Variants in TIAM1 observed in about 807,000 individuals in gnomAD.
The protein encoded by TIAM1 is rho guanine nucleotide exchange factor TIAM1.
Under a neutral mutation model 163.5 loss-of-function variants are expected in TIAM1, and 65 were observed. That is an observed-to-expected ratio of 0.40 (90% confidence interval 0.33 to 0.49). The LOEUF (loss-of-function observed/expected upper bound fraction) is 0.49, where lower values mean the gene tolerates loss of function less well. TIAM1 is among the 20% of genes least tolerant of loss of function. The pLI, the probability that TIAM1 is intolerant of heterozygous loss-of-function variation, is 0.77. For synonymous variants in TIAM1, 833 were observed against 810.1 expected (o/e 1.03, Z -0.48); for missense variants, 1,789 against 2,044.7 (o/e 0.87, Z 2.41).
At chr21:31,338,481 T>C (rs1418165211) in intron 2 of TIAM1, among the ~76,000 whole-genome samples, 2 of 152,118 alleles carry the variant, frequency 1.3e-5, no homozygotes, top group African/African-American at 4.8e-5. Flanking sequence ...CAACTTCACA[T>C]AGCTAGAAAG....
chr21:31,450,440 A>T (rs1398501087), intron 2 of TIAM1, among the ~76,000 whole-genome samples: 2 of 152,236 alleles, frequency 1.3e-5, no homozygotes, highest in East Asian at 3.9e-4. Context: ...TCCCACCCAG[A>T]TCCGAGATTC....
chr21:31,324,590 T>C (rs1032964659), intron 2 of TIAM1, among the ~76,000 whole-genome samples: 49 of 152,310 alleles, frequency 3.2e-4, no homozygotes, highest in African/African-American at 1.2e-3. Context: ...CTGTAAGTGA[T>C]GGAGCTAGTG....
chr21:31,288,084 C>T (rs2073882654), intron 2 of TIAM1, among the ~76,000 whole-genome samples: 1 of 152,036 alleles, frequency 6.6e-6, no homozygotes, highest in Non-Finnish European at 1.5e-5. Flanking sequence ...GACAATAACA[C>T]CTTCCACTCT....
chr21:31,213,866 C>CCAAAAAAAAAAAAAAAA (rs71318260), intron 9 of TIAM1, among the ~76,000 whole-genome samples: 5 of 54,872 alleles, frequency 9.1e-5, no homozygotes, highest in African/African-American at 3.1e-4. Context: ...CTCATCTCTA[C>CCAAAAAAAAAAAAAAAA]AAAAAAAAAA....
chr21:31,347,665 G>C (rs138999650), upstream of TIAM1, among the ~76,000 whole-genome samples: 1 of 152,144 alleles, frequency 6.6e-6, no homozygotes, highest in African/African-American at 2.4e-5. Context: ...TCTCAAGATC[G>C]GGATGAACCT....
At chr21:31,547,049 CT>C (rs1446552887) in intron 1 of TIAM1, among the ~76,000 whole-genome samples, 1 of 152,168 alleles carries the variant, frequency 6.6e-6, no homozygotes, top group Non-Finnish European at 1.5e-5. Context: ...CATAAATTCA[CT>C]TTTCCTGACT....
In TIAM1 at chr21:31,178,615, T is replaced by A. The variant is rs149700526; in HGVS notation, c.2887+3806A>T. Among the ~76,000 whole-genome samples the A allele has an allele frequency of 8.0e-3, 1,224 of 152,074 alleles. 18 individuals are homozygous for A. Among genetic ancestry groups the A allele is most frequent in the African/African-American group, 0.028 (1,166 of 41,482 alleles). ...GCCACTGAGCCCGGCCAGGAATTCT[T>A]CTGAAATTTACTAATTTTGAAGCCA... On this transcript the variant is annotated intron_variant, in intron 15 of 27. Coordinates refer to ENST00000541036, the MANE Select transcript of TIAM1 (RefSeq NM_001353694.2).
chr21:31,191,984 C>T (rs1309864242), intron 13 of TIAM1, among the ~76,000 whole-genome samples: 1 of 152,182 alleles, frequency 6.6e-6, no homozygotes, highest in Non-Finnish European at 1.5e-5. Flanking sequence ...TATGGAGCAT[C>T]TAATTTTGGA....
In TIAM1 at chr21:31,512,507, T is replaced by A. The variant is rs147177428; in HGVS notation, c.-422+46420A>T. 2.8e-4 allele frequency among the ~76,000 whole-genome samples: 43 copies of A among 152,124 alleles called. 1 individual carries two copies. In the East Asian group the frequency reaches 7.7e-3, roughly 27 times the overall value. The stretch of plus-strand genomic sequence containing the variant: ...AGCCCTCTGCAAAATCCTTCCTACT[T>A]CATTTTTTCAGAATATTTAACTCCA... On this transcript the variant is annotated intron_variant, in intron 1 of 28. Coordinates refer to the TIAM1 transcript ENST00000286827.
At chr21:31,233,259 TAAAAGAAAAA>T (rs1377314915) in intron 6 of TIAM1, among the ~76,000 whole-genome samples, 2 of 151,942 alleles carry the variant, frequency 1.3e-5, no homozygotes, top group African/African-American at 4.8e-5. Context: ...GCTTTCATTT[TAAAAGAAAAA>T]AAAAGAAAGT....
chr21:31,186,246 T>C (rs376499410), intron 14 of TIAM1, among the ~76,000 whole-genome samples: 16 of 152,286 alleles, frequency 1.1e-4, no homozygotes, highest in Admixed American at 7.8e-4. Context: ...GGATCTCAAA[T>C]CCCTAGGTTC....
At chr21:31,319,125 C>T (rs2075220527) in intron 2 of TIAM1, among the ~76,000 whole-genome samples, 1 of 152,122 alleles carries the variant, frequency 6.6e-6, no homozygotes, top group Non-Finnish European at 1.5e-5. Flanking sequence ...TGAAGTACAG[C>T]ATAAAGGTTG....
At chr21:31,293,091 T>A (rs71321376) in intron 2 of TIAM1, among the ~76,000 whole-genome samples, 1 of 152,192 alleles carries the variant, frequency 6.6e-6, no homozygotes, top group Non-Finnish European at 1.5e-5. Context: ...CCCAAAGTGT[T>A]GGGACTACAG....
chr21:31,241,931 G>A (rs1369138289), intron 6 of TIAM1, among the ~76,000 whole-genome samples: 1 of 152,046 alleles, frequency 6.6e-6, no homozygotes, highest in Admixed American at 6.6e-5. Flanking sequence ...GATTGCTTGA[G>A]TCCAGGAGTT....
chr21:31,408,152 T>C (rs1229969849), intron 2 of TIAM1, among the ~76,000 whole-genome samples: 2 of 152,246 alleles, frequency 1.3e-5, no homozygotes, highest in Admixed American at 6.5e-5. Flanking sequence ...TTCTACATTA[T>C]TCAGGGTATT....
Position 31,141,806 on chromosome 21 carries a change from G to GT in TIAM1, c.3476-303dup, listed in dbSNP as rs1354233179. On this transcript the variant is annotated intron_variant, in intron 20 of 27. Coordinates refer to ENST00000541036, the MANE Select transcript of TIAM1 (RefSeq NM_001353694.2). This position sits in a 1 kb window ranked among gnomAD's most constrained non-coding sequence, Gnocchi z 4.7. The stretch of plus-strand genomic sequence containing the variant: ...TCTTTATCCTCCTCCTATTACACAT[G>GT]TTTTTTTATCCTGATGTTTTGACAC... Among the ~76,000 whole-genome samples, 1 of 152,168 alleles carries GT rather than the reference G, an allele frequency of 6.6e-6. No individual in the cohort carries two copies. Among genetic ancestry groups the GT allele is most frequent in the Admixed American group, 6.5e-5 (1 of 15,292 alleles).
chr21:31,529,080 A>G (rs1047292578), intron 1 of TIAM1, among the ~76,000 whole-genome samples: 5 of 151,386 alleles, frequency 3.3e-5, no homozygotes, highest in East Asian at 4.0e-4. Flanking sequence ...CACCATGCCC[A>G]GCTAATTTTT....
intron 8 of TIAM1, among the ~76,000 whole-genome samples, chr21:31,218,920 C>T (rs1326144607): frequency 6.6e-6 from 1 of 151,718 alleles, no homozygotes; most frequent in East Asian, 1.9e-4. Flanking sequence ...ACTTACATGT[C>T]CTATGTTTAG....
intron 2 of TIAM1, among the ~76,000 whole-genome samples, chr21:31,450,043 G>C (rs997982187): frequency 2.0e-5 from 3 of 152,280 alleles, no homozygotes; most frequent in East Asian, 3.9e-4. Context: ...CAGAATATAA[G>C]GGATAATGGA....
Sources: allele counts gnomAD v4.1 joint callset (sites outside exome capture counted in the v4.1 genomes callset), GRCh38; gene constraint gnomAD v4.1.1; non-coding constraint Gnocchi (gnomAD v3.1); transcripts MANE v1.5; gene names NCBI Gene and HGNC (gene_info 2026-07-23, HGNC 2026-07-21).